Variants in ISM1 observed in about 807,000 individuals in gnomAD.
ISM1 encodes isthmin 1.
ISM1 carries 25 observed loss-of-function variants against 46.3 expected under a neutral mutation model. The observed-to-expected ratio is 0.54, with a 90% CI of 0.39 to 0.75. ISM1 has a LOEUF of 0.75. ISM1 is among the 30% of genes least tolerant of loss of function. The pLI is 0.00. For synonymous variants in ISM1, 255 were observed against 256.7 expected, an observed-to-expected ratio of 0.99 and a Z score of 0.06; for missense variants, 536 against 625.4, an observed-to-expected ratio of 0.86 and a Z score of 1.52.
At chr20:13,287,088 CT>C (rs34768410) in intron 3 of ISM1, among the ~76,000 whole-genome samples, 56,447 of 152,052 alleles carry the variant, frequency 0.37, 10,597 homozygotes, top group Admixed American at 0.45. Context: ...CAAGACTTTA[CT>C]TTTGATAAGA....
chr20:13,265,077 T>G (rs2040028493), intron 1 of ISM1, among the ~76,000 whole-genome samples: 1 of 152,176 alleles, frequency 6.6e-6, no homozygotes, highest in Non-Finnish European at 1.5e-5. Context: ...AACTCTGTTA[T>G]TTCATATGAA....
chr20:13,236,956 A>C (rs945559367), intron 1 of ISM1, among the ~76,000 whole-genome samples: 12 of 152,168 alleles, frequency 7.9e-5, no homozygotes, highest in African/African-American at 2.9e-4. Flanking sequence ...CACATGGTGC[A>C]AGCTGTCGGT....
downstream of ISM1, among the ~76,000 whole-genome samples, chr20:13,302,420 G>A (rs1177352301): frequency 6.6e-6 from 1 of 152,126 alleles, no homozygotes; most frequent in African/African-American, 2.4e-5. Flanking sequence ...GCTTTAGTGG[G>A]CCAATGAGTG....
At chr20:13,316,755 C>A in the ISM1 span, among the ~76,000 whole-genome samples, 1 of 150,534 alleles carries the variant, frequency 6.6e-6, no homozygotes, top group South Asian at 2.1e-4. Context: ...AAAAAAAAAA[C>A]TTTCAATGAA....
At chr20:13,262,963 G>A (rs181719) in intron 1 of ISM1, among the ~76,000 whole-genome samples, 48 of 152,022 alleles carry the variant, frequency 3.2e-4, no homozygotes, top group Non-Finnish European at 5.9e-4. Flanking sequence ...TAGTCAGACC[G>A]TGACAGCAGG....
intron 1 of ISM1, among the ~76,000 whole-genome samples, chr20:13,264,897 G>T (rs1023036286): frequency 6.6e-6 from 1 of 152,122 alleles, no homozygotes; most frequent in Non-Finnish European, 1.5e-5. Flanking sequence ...GAGGAAGGAG[G>T]GATGAGATCC....
At chr20:13,250,934 C>G (rs2039862133) in intron 1 of ISM1, among the ~76,000 whole-genome samples, 1 of 152,164 alleles carries the variant, frequency 6.6e-6, no homozygotes, top group East Asian at 1.9e-4. Flanking sequence ...TCTGCTTCTC[C>G]CTACTGAAAA....
chr20:13,247,569 G>A (rs1473257419), intron 1 of ISM1, among the ~76,000 whole-genome samples: 1 of 147,106 alleles, frequency 6.8e-6, no homozygotes, highest in African/African-American at 2.5e-5. Context: ...TAGGTAGGTA[G>A]GAGGAGCAAC....
the ISM1 span, among the ~76,000 whole-genome samples, chr20:13,307,793 A>G: frequency 6.6e-6 from 1 of 152,194 alleles, no homozygotes; most frequent in Admixed American, 6.5e-5. Flanking sequence ...CACATTTCCA[A>G]TGTGTGAATA....
chr20:13,279,566 T>C, intron 2 of ISM1, 68 bp from the exon 3 acceptor site: 1 of 1,487,458 alleles, frequency 6.7e-7, no homozygotes, highest in Non-Finnish European at 9.1e-7. Flanking sequence ...TCAGACTTTC[T>C]TCCAAGGGTC....
chr20:13,235,523 C>G (rs1264082762), intron 1 of ISM1, among the ~76,000 whole-genome samples: 2 of 152,150 alleles, frequency 1.3e-5, no homozygotes, highest in Non-Finnish European at 2.9e-5. Flanking sequence ...GGCTGTGTGG[C>G]CAGAGTCAGG....
the ISM1 span, among the ~76,000 whole-genome samples, chr20:13,309,432 C>G: frequency 6.6e-6 from 1 of 152,062 alleles, no homozygotes; most frequent in East Asian, 1.9e-4. Context: ...TCAACACAAT[C>G]AAGACCATAT....
At chr20:13,224,575 T>C (rs2039491950) in intron 1 of ISM1, among the ~76,000 whole-genome samples, 1 of 152,200 alleles carries the variant, frequency 6.6e-6, no homozygotes, top group Non-Finnish European at 1.5e-5. Context: ...TCAATCCATA[T>C]ACATCATTTT....
chr20:13,300,853 C>T (rs1165028421), downstream of ISM1, among the ~76,000 whole-genome samples: 3 of 152,108 alleles, frequency 2.0e-5, no homozygotes, highest in Non-Finnish European at 2.9e-5. Context: ...GGCCCATTGA[C>T]ACATGTGTGA....
downstream of ISM1, among the ~76,000 whole-genome samples, chr20:13,303,284 T>A (rs2040474050): frequency 6.6e-6 from 1 of 152,142 alleles, no homozygotes; most frequent in Non-Finnish European, 1.5e-5. Flanking sequence ...CTCACTGCCT[T>A]TGCTTAGATT....
At chr20:13,250,797 C>T (rs1250859819) in intron 1 of ISM1, among the ~76,000 whole-genome samples, 1 of 152,184 alleles carries the variant, frequency 6.6e-6, no homozygotes, top group African/African-American at 2.4e-5. Flanking sequence ...CCCTGCAGCT[C>T]ATCTGCCCAC....
chr20:13,295,324 C>T (rs183184765), intron 5 of ISM1, among the ~76,000 whole-genome samples: 140 of 152,318 alleles, frequency 9.2e-4, no homozygotes, highest in African/African-American at 3.2e-3. Context: ...CACTCACAAA[C>T]TTTCCATGGC....
intron 1 of ISM1, among the ~76,000 whole-genome samples, chr20:13,268,414 T>A (rs1383196976): frequency 7.7e-6 from 1 of 130,584 alleles, no homozygotes; most frequent in Non-Finnish European, 1.6e-5. Flanking sequence ...CCATGCTAGG[T>A]TCAAACAATA....
intron 3 of ISM1, among the ~76,000 whole-genome samples, chr20:13,280,854 G>A (rs1288041814): frequency 2.6e-5 from 4 of 152,128 alleles, no homozygotes; most frequent in South Asian, 2.1e-4. Context: ...GATTTTGTGG[G>A]GAATCAGGCA....
Sources: gnomAD v4.1 joint callset for allele counts (sites outside exome capture counted in the v4.1 genomes callset) on GRCh38, gnomAD v4.1.1 for gene constraint, MANE v1.5 for transcripts, NCBI Gene and HGNC (gene_info 2026-07-23, HGNC 2026-07-21) for gene names.